Variants in FILIP1L observed in about 807,000 individuals in gnomAD.
The protein encoded by FILIP1L is filamin A interacting protein 1 like, also known as filamin A-interacting protein 1-like.
In FILIP1L, 55 loss-of-function variants were observed where a neutral mutation model predicts 96.6. The observed-to-expected ratio is 0.57, with a 90% CI of 0.46 to 0.71. FILIP1L has a LOEUF of 0.71. Among genes scored for constraint, FILIP1L ranks in the 30% least tolerant of loss-of-function variants. FILIP1L has a pLI of 0.00. For synonymous variants in FILIP1L, 467 were observed against 473.9 expected (o/e 0.99, Z 0.19); for missense variants, 1,304 against 1,321.2 (o/e 0.99, Z 0.20).
chr3:99,926,971 CT>C (rs1386564999), intron 3 of FILIP1L, among the ~76,000 whole-genome samples: 1 of 152,196 alleles, frequency 6.6e-6, no homozygotes, highest in Non-Finnish European at 1.5e-5. Context: ...TTTTTCACCA[CT>C]GGGACTCCAC....
At chr3:99,966,398 AT>A (rs969753502) in intron 1 of FILIP1L, among the ~76,000 whole-genome samples, 20 of 150,584 alleles carry the variant, frequency 1.3e-4, no homozygotes, top group East Asian at 5.9e-4. Context: ...TGATGGATAG[AT>A]TTTTTTTTTC....
chr3:99,922,880 G>GT (rs1270296850), intron 4 of FILIP1L, among the ~76,000 whole-genome samples: 3 of 152,052 alleles, frequency 2.0e-5, no homozygotes, highest in Non-Finnish European at 4.4e-5. Flanking sequence ...TTCTTATTTT[G>GT]TTTTTTAAAG....
intron 1 of FILIP1L, among the ~76,000 whole-genome samples, chr3:100,003,380 G>C (rs532292429): frequency 2.6e-5 from 4 of 152,288 alleles, no homozygotes; most frequent in Admixed American, 1.3e-4. Flanking sequence ...CCCTTACGTG[G>C]TTGTTTTGTC....
At chr3:100,074,022 G>C (rs1351698643) in intron 1 of FILIP1L, among the ~76,000 whole-genome samples, 1 of 152,098 alleles carries the variant, frequency 6.6e-6, no homozygotes, top group African/African-American at 2.4e-5. Context: ...GTAAAAGCAA[G>C]TCGTCTTCTA....
chr3:100,101,798 G>C (rs1048923548), intron 1 of FILIP1L, among the ~76,000 whole-genome samples: 1 of 151,974 alleles, frequency 6.6e-6, no homozygotes, highest in Admixed American at 6.6e-5. Context: ...AGGCCCCAGT[G>C]TGTGATGTTC....
intron 4 of FILIP1L, among the ~76,000 whole-genome samples, chr3:99,855,102 A>G (rs1284291853): frequency 3.3e-5 from 5 of 152,202 alleles, no homozygotes; most frequent in Non-Finnish European, 7.4e-5. Flanking sequence ...TACTGTTTGA[A>G]TATTAACTCT....
intron 1 of FILIP1L, among the ~76,000 whole-genome samples, chr3:100,013,375 C>T (rs1293649434): frequency 6.6e-6 from 1 of 152,054 alleles, no homozygotes; most frequent in African/African-American, 2.4e-5. Flanking sequence ...TCCTGAGTAG[C>T]TGGGATTACA....
At chr3:99,888,695 A>G (rs968625287) in intron 4 of FILIP1L, among the ~76,000 whole-genome samples, 6 of 152,286 alleles carry the variant, frequency 3.9e-5, no homozygotes, top group African/African-American at 1.4e-4. Context: ...ATCTTCTTAG[A>G]CTGCTTTTTG....
intron 5 of FILIP1L, among the ~76,000 whole-genome samples, chr3:99,845,904 T>C (rs540430072): frequency 6.6e-6 from 1 of 152,338 alleles, no homozygotes; most frequent in Admixed American, 6.5e-5. Context: ...TTGGTAAATT[T>C]CCAGTTATGT....
intron 1 of FILIP1L, among the ~76,000 whole-genome samples, chr3:99,982,164 A>G (rs1192772101): frequency 6.6e-6 from 1 of 152,104 alleles, no homozygotes; most frequent in African/African-American, 2.4e-5. Context: ...ATATTTCGGT[A>G]TATGTATTTT....
rs574769388 is a variant in FILIP1L at position 100,035,154 on chromosome 3, T to C, written c.-11+78899A>G. On this transcript the variant is annotated intron_variant, in intron 1 of 5. Coordinates refer to ENST00000477258, the MANE Select transcript of FILIP1L (RefSeq NM_001387850.1). The stretch of plus-strand genomic sequence containing the variant: ...TTCAAGTTTGTGCTTTCTAGGATTA[T>C]TAGCAATTTGATGATGAAAGCCATC... Among the ~76,000 whole-genome samples the C allele has an allele frequency of 5.3e-5, 8 of 152,358 alleles. No homozygotes were observed. In the South Asian group the frequency reaches 1.7e-3, roughly 32 times the overall value.
intron 1 of FILIP1L, among the ~76,000 whole-genome samples, chr3:100,081,039 A>C (rs930857546): frequency 2.0e-5 from 3 of 152,178 alleles, no homozygotes; most frequent in African/African-American, 7.2e-5. Flanking sequence ...TGTGTAATGA[A>C]GGTGTTATTT....
intron 1 of FILIP1L, among the ~76,000 whole-genome samples, chr3:100,005,850 C>A (rs1452004992): frequency 6.6e-6 from 1 of 152,176 alleles, no homozygotes; most frequent in African/African-American, 2.4e-5. Flanking sequence ...AAGAAGCTTT[C>A]TTTGGCTTCC....
intron 1 of FILIP1L, among the ~76,000 whole-genome samples, chr3:100,058,273 C>T (rs1222085953): frequency 6.6e-6 from 1 of 152,172 alleles, no homozygotes. Context: ...GTTCAAGGCA[C>T]GGAACAGAGT....
chr3:100,101,173 A>G (rs985653175), intron 1 of FILIP1L, among the ~76,000 whole-genome samples: 1 of 152,188 alleles, frequency 6.6e-6, no homozygotes, highest in Non-Finnish European at 1.5e-5. Flanking sequence ...GTAACCAGTT[A>G]CTTTCTGAGA....
intron 5 of FILIP1L, among the ~76,000 whole-genome samples, chr3:99,834,801 C>G (rs760122826): frequency 1.3e-5 from 2 of 152,282 alleles, no homozygotes; most frequent in Admixed American, 1.3e-4. Context: ...AGTCTTGGGT[C>G]TTCATTCTAG....
intron 1 of FILIP1L, among the ~76,000 whole-genome samples, chr3:100,081,311 A>G (rs990195082): frequency 6.6e-6 from 1 of 152,198 alleles, no homozygotes; most frequent in Admixed American, 6.5e-5. Flanking sequence ...TGTAAAACAA[A>G]TTATATACCA....
At chr3:99,843,600 T>C (rs564722362) in intron 5 of FILIP1L, among the ~76,000 whole-genome samples, 160 of 152,330 alleles carry the variant, frequency 1.1e-3, no homozygotes, top group African/African-American at 3.6e-3. Flanking sequence ...GTTGAAAATA[T>C]GTTTAATACA....
intron 1 of FILIP1L, among the ~76,000 whole-genome samples, chr3:100,020,745 G>A (rs902830826): frequency 2.9e-4 from 40 of 139,056 alleles, no homozygotes; most frequent in African/African-American, 9.9e-4. Flanking sequence ...TTTTTAGAAA[G>A]TAATGAATAA....
Sources: gnomAD v4.1 joint callset for allele counts (sites outside exome capture counted in the v4.1 genomes callset) on GRCh38, gnomAD v4.1.1 for gene constraint, MANE v1.5 for transcripts, NCBI Gene and HGNC (gene_info 2026-07-23, HGNC 2026-07-21) for gene names.